The following CSMD1 variants were observed in gnomAD, a reference collection of about 807,000 sequenced individuals.
CSMD1 encodes the protein CUB and Sushi multiple domains 1.
A neutral mutation model predicts 417.5 loss-of-function variants in CSMD1; 213 were observed. The ratio of observed to expected loss-of-function variants is 0.51; its 90% confidence interval spans 0.46 to 0.57. CSMD1 has a LOEUF of 0.57. Ranked by LOEUF, CSMD1 falls within the 20% of genes least tolerant of loss-of-function variation. The probability of loss-of-function intolerance (pLI) is 0.00; values close to 1 mark genes in which losing one functional copy is unlikely to be tolerated. For synonymous variants in CSMD1, 2,862 were observed against 1,736.8 expected (o/e 1.65, Z -16.11); for missense variants, 6,923 against 4,529.7 (o/e 1.53, Z -15.17).
intron 1 of CSMD1, among the ~76,000 whole-genome samples, chr8:4,755,138 T>C (rs1456233042): frequency 6.6e-6 from 1 of 152,148 alleles, no homozygotes; most frequent in Non-Finnish European, 1.5e-5. Context: ...CTGTCTCAAA[T>C]AAATAATTAA....
chr8:3,485,792 T>C (rs1339280509), intron 11 of CSMD1, among the ~76,000 whole-genome samples: 2 of 145,146 alleles, frequency 1.4e-5, no homozygotes, highest in African/African-American at 5.1e-5. Context: ...TAAAATAAAA[T>C]AAAATAAAAT....
At chr8:3,399,579 T>C (rs1399639677) in intron 15 of CSMD1, 50 bp from the exon 16 acceptor site, 8 of 1,428,482 alleles carry the variant, frequency 5.6e-6, no homozygotes, top group Non-Finnish European at 7.5e-6. Flanking sequence ...CAGAAGGATA[T>C]GCCATAACAA....
At chr8:4,493,871 C>T (rs754109213) in intron 2 of CSMD1, among the ~76,000 whole-genome samples, 4 of 152,134 alleles carry the variant, frequency 2.6e-5, no homozygotes, top group Non-Finnish European at 5.9e-5. Context: ...TGACTGACCT[C>T]ATATAAAGAA....
intron 7 of CSMD1, among the ~76,000 whole-genome samples, chr8:3,667,720 T>C (rs1345127134): frequency 1.3e-5 from 2 of 152,178 alleles, no homozygotes; most frequent in African/African-American, 4.8e-5. Flanking sequence ...GATTAGTAGT[T>C]ACTCATTAGA....
chr8:4,826,924 C>T (rs1292207562), intron 1 of CSMD1, among the ~76,000 whole-genome samples: 1 of 152,088 alleles, frequency 6.6e-6, no homozygotes, highest in Non-Finnish European at 1.5e-5. Context: ...TTATCTAGTG[C>T]CAGCTTACTA....
intron 2 of CSMD1, among the ~76,000 whole-genome samples, chr8:4,583,508 ACAC>A (rs1226614923): frequency 1.3e-5 from 2 of 151,984 alleles, no homozygotes; most frequent in East Asian, 3.9e-4. Flanking sequence ...GATTGTAAAT[ACAC>A]CAATCGACAC....
At position 3,284,363 on chromosome 8, in the gene CSMD1, A is replaced by G. The variant is rs1322327449; in HGVS notation, c.3951-17T>C. ...AAATGGAGGCTGCAAGAGAGAACAC[A>G]GTAGCGCTACTTGCCGTGCATCGAG... On this transcript the variant is annotated splice_polypyrimidine_tract_variant and intron_variant, in intron 25 of 69. Coordinates refer to ENST00000635120, the MANE Select transcript of CSMD1 (RefSeq NM_033225.6). The G allele has an allele frequency of 6.3e-7, 1 of 1,596,784 alleles. No individual in the cohort carries two copies. The highest frequency in any genetic ancestry group is 8.6e-7 in the Non-Finnish European group (1 of 1,165,664).
chr8:4,282,191 T>C (rs78721610), intron 3 of CSMD1, among the ~76,000 whole-genome samples: 2,775 of 152,352 alleles, frequency 0.018, 46 homozygotes, highest in Non-Finnish European at 0.028. Context: ...TTTTGATCAA[T>C]AGTGATTTTT....
chr8:4,416,552 C>G (rs1043464131), intron 3 of CSMD1, among the ~76,000 whole-genome samples: 1 of 151,940 alleles, frequency 6.6e-6, no homozygotes, highest in Non-Finnish European at 1.5e-5. Context: ...GCACGCATTT[C>G]CAACATTTAG....
At chr8:3,903,797 G>C (rs114252089) in intron 5 of CSMD1, among the ~76,000 whole-genome samples, 245 of 152,250 alleles carry the variant, frequency 1.6e-3, no homozygotes, top group African/African-American at 5.6e-3. Context: ...TCTCGGATCA[G>C]TGTTCCATGG....
chr8:3,820,737 G>A (rs1398547050), intron 5 of CSMD1, among the ~76,000 whole-genome samples: 1 of 152,022 alleles, frequency 6.6e-6, no homozygotes, highest in Non-Finnish European at 1.5e-5. Flanking sequence ...CACCGTGCCT[G>A]GCAAATTGTT....
intron 8 of CSMD1, among the ~76,000 whole-genome samples, chr8:3,609,127 A>T (rs2469340): frequency 0.73 from 110,459 of 152,122 alleles, 40,607 homozygotes; most frequent in Middle Eastern, 0.82. Context: ...TGACTCTGAC[A>T]AGATATAGCA....
At chr8:4,146,403 G>A (rs1044160766) in intron 3 of CSMD1, among the ~76,000 whole-genome samples, 25 of 150,232 alleles carry the variant, frequency 1.7e-4, no homozygotes, top group Non-Finnish European at 3.2e-4. Flanking sequence ...TGATAATGTG[G>A]CACAGCAGAC....
intron 3 of CSMD1, among the ~76,000 whole-genome samples, chr8:4,411,862 AT>A (rs202085500): frequency 3.9e-5 from 6 of 152,016 alleles, no homozygotes; most frequent in African/African-American, 1.4e-4. Flanking sequence ...ATTATGTTGC[AT>A]TTTTTTTCAC....
intron 2 of CSMD1, among the ~76,000 whole-genome samples, chr8:4,629,216 T>C (rs977704694): frequency 6.6e-6 from 1 of 152,202 alleles, no homozygotes; most frequent in African/African-American, 2.4e-5. Context: ...GAAAAGTTTG[T>C]ACTTTATTTT....
chr8:4,186,146 C>T (rs1282645679), intron 3 of CSMD1, among the ~76,000 whole-genome samples: 2 of 152,132 alleles, frequency 1.3e-5, no homozygotes, highest in African/African-American at 2.4e-5. Context: ...ATCCAGAGGC[C>T]ACTGGAGCAT....
At chr8:3,881,854 A>G (rs1261234067) in intron 5 of CSMD1, among the ~76,000 whole-genome samples, 1 of 152,110 alleles carries the variant, frequency 6.6e-6, no homozygotes, top group African/African-American at 2.4e-5. Flanking sequence ...GGGCAAGGGG[A>G]AAAGGATTGA....
At chr8:4,826,567 G>A (rs775584022) in intron 1 of CSMD1, among the ~76,000 whole-genome samples, 32 of 152,118 alleles carry the variant, frequency 2.1e-4, no homozygotes, top group Non-Finnish European at 2.9e-4. Context: ...CCAAGTTAGC[G>A]TAGTTGGGAT....
intron 12 of CSMD1, among the ~76,000 whole-genome samples, chr8:3,452,685 T>C (rs1348778785): frequency 2.0e-5 from 3 of 152,318 alleles, no homozygotes; most frequent in Admixed American, 6.5e-5. Flanking sequence ...TCATGGTGGA[T>C]AAGGTTTTTG....
Sources: gnomAD v4.1 joint callset for allele counts (sites outside exome capture counted in the v4.1 genomes callset) on GRCh38, gnomAD v4.1.1 for gene constraint, MANE v1.5 for transcripts, NCBI Gene and HGNC (gene_info 2026-07-23, HGNC 2026-07-21) for gene names.